Variants in MUC13 observed in about 807,000 individuals in gnomAD.
MUC13 encodes mucin 13, cell surface associated.
In MUC13, 32 loss-of-function variants were observed where a neutral mutation model predicts 48.3. The observed-to-expected ratio is 0.66, with a 90% CI of 0.50 to 0.89. The LOEUF is 0.89. Ranked by LOEUF, MUC13 falls within the 40% of genes least tolerant of loss-of-function variation. MUC13 has a pLI of 0.00. For synonymous variants in MUC13, 199 were observed against 224.9 expected (o/e 0.88, Z 1.03); for missense variants, 571 against 622.8 (o/e 0.92, Z 0.88).
At chr3:124,922,170 C>T in intron 4 of MUC13, 27 bp downstream of exon 4, 1 of 1,612,768 alleles carries the variant, frequency 6.2e-7, no homozygotes, top group Non-Finnish European at 8.5e-7. Context: ...GAATGCTTTA[C>T]AGAAAGGAAA....
At chr3:124,914,177 C>T (rs987263652) in intron 6 of MUC13, among the ~76,000 whole-genome samples, 1 of 151,690 alleles carries the variant, frequency 6.6e-6, no homozygotes, top group Admixed American at 6.6e-5. Flanking sequence ...TTTGGGAGGC[C>T]GAGGCTGGTG....
rs780157175 is a variant in MUC13 at position 124,927,783 on chromosome 3, G to T, written c.263C>A (p.Pro88His). 1.2e-6 allele frequency: 2 copies of T among 1,606,826 alleles called. No homozygotes were observed. Among genetic ancestry groups the T allele is most frequent in the East Asian group, 2.2e-5 (1 of 44,730 alleles). The change falls in exon 2 of 12, where the codon CCC becomes CAC. Residue 88 changes from proline (P) to histidine (H), a missense_variant. Coordinates refer to ENST00000616727, the MANE Select transcript of MUC13 (RefSeq NM_033049.4). ...GGAGGAACTATGTGTACTAATTATG[G>T]GGGGAGCAGGTGTAGGAATTGTGGA... is the stretch of plus-strand genomic sequence containing the variant. The part of the protein sequence containing the change: ...SSSTIPTPAP[P>H]IISTHSSSTI...
intron 6 of MUC13, among the ~76,000 whole-genome samples, chr3:124,914,763 TA>T (rs1183131637): frequency 6.6e-6 from 1 of 151,868 alleles, no homozygotes; most frequent in Non-Finnish European, 1.5e-5. Context: ...CCGTCTCTAC[TA>T]AAAATACAAA....
At chr3:124,915,875 G>C (rs972485218) in intron 6 of MUC13, among the ~76,000 whole-genome samples, 3 of 152,060 alleles carry the variant, frequency 2.0e-5, no homozygotes, top group Admixed American at 6.6e-5. Context: ...ATGGGATTTT[G>C]CCATGTTGCC....
chr3:124,920,069 G>A, intron 5 of MUC13, 165 bp downstream of exon 5: 1 of 698,664 alleles, frequency 1.4e-6, no homozygotes, highest in South Asian at 1.8e-5. Context: ...CAGAGGCAGG[G>A]CCAAGGCACA....
Position 124,926,338 on chromosome 3 carries a change from G to A in MUC13, c.514+1194C>T, listed in dbSNP as rs144725014. ...CCCCATGCCCCACAGTTTGTTCATG[G>A]TAGGGCCAGAACACAGGAAGATGGC... On this transcript the variant is annotated intron_variant, in intron 2 of 11. Coordinates refer to ENST00000616727, the MANE Select transcript of MUC13 (RefSeq NM_033049.4). Among the ~76,000 whole-genome samples, 1,001 of 152,274 alleles carry A rather than the reference G, an allele frequency of 6.6e-3. 5 individuals are homozygous for A. Among genetic ancestry groups the A allele is most frequent in the Non-Finnish European group, 9.7e-3 (662 of 68,012 alleles).
At chr3:124,916,211 G>T (rs554278167) in intron 6 of MUC13, 106 bp downstream of exon 6, 1 of 832,170 alleles carries the variant, frequency 1.2e-6, no homozygotes, top group Non-Finnish European at 1.9e-6. Flanking sequence ...ACAGTTGTCA[G>T]TTCAATGATG....
chr3:124,927,821 A>T lies in MUC13; in HGVS notation c.225T>A (p.Ser75Arg). Reference sequence around the variant, plus strand: ...TAGGAATTGTGGAGGAACTATGTGTACTAATTATGGGGGGAGCAGGTGAAG... The same window carrying T: ...TAGGAATTGTGGAGGAACTATGTGTTCTAATTATGGGGGGAGCAGGTGAAG... ...TATSPAPPII[S>R]THSSSTIPTP... The change falls in exon 2 of 12, where the codon AGT becomes AGA. Residue 75 changes from serine to arginine, a missense_variant. By Grantham distance (110) the Ser-to-Arg change is moderately radical. Coordinates refer to ENST00000616727, the MANE Select transcript of MUC13 (RefSeq NM_033049.4). 6.2e-7 allele frequency: 1 copy of T among 1,614,138 alleles called. No individual in the cohort carries two copies. The highest frequency in any genetic ancestry group is 8.5e-7 in the Non-Finnish European group (1 of 1,180,020).
At chr3:124,914,498 C>T (rs1323023255) in intron 6 of MUC13, among the ~76,000 whole-genome samples, 8 of 152,140 alleles carry the variant, frequency 5.3e-5, no homozygotes, top group Admixed American at 5.2e-4. Flanking sequence ...CTCTACTAAA[C>T]ATCCCAAACT....
At chr3:124,923,503 C>T (rs1185653297) in intron 3 of MUC13, 24 bp downstream of exon 3, 2 of 1,609,330 alleles carry the variant, frequency 1.2e-6, no homozygotes, top group South Asian at 1.1e-5. Context: ...AGAGCTCAGC[C>T]ATGGCTCATC....
chr3:124,912,152 G>A lies in MUC13; in HGVS notation c.1215-11C>T, dbSNP rs1935430194. The A allele has an allele frequency of 6.2e-7, 1 of 1,612,276 alleles. No homozygotes were observed. Among genetic ancestry groups the A allele is most frequent in the African/African-American group, 1.3e-5 (1 of 75,028 alleles). The stretch of plus-strand genomic sequence containing the variant: ...TAGCCAAATGCACACCTGAAATACA[G>A]TGAGCAATAGGAAACAGTGTTAAAG... On this transcript the variant is annotated splice_polypyrimidine_tract_variant and intron_variant, in intron 8 of 11. Coordinates refer to ENST00000616727, the MANE Select transcript of MUC13 (RefSeq NM_033049.4).
intron 2 of MUC13, among the ~76,000 whole-genome samples, chr3:124,925,061 A>C (rs926451019): frequency 2.0e-5 from 3 of 152,216 alleles, no homozygotes; most frequent in Admixed American, 2.0e-4. Flanking sequence ...CATGAGTGCC[A>C]CTACTTGGAA....
chr3:124,913,066 C>T (rs1243132084), intron 8 of MUC13, 45 bp downstream of exon 8: 1 of 1,602,662 alleles, frequency 6.2e-7, no homozygotes, highest in Non-Finnish European at 8.5e-7. Flanking sequence ...TCTACTTTGC[C>T]TAGCTCCAGC....
intron 10 of MUC13, among the ~76,000 whole-genome samples, chr3:124,910,039 C>T (rs1935391342): frequency 2.0e-5 from 3 of 152,018 alleles, no homozygotes; most frequent in South Asian, 4.2e-4. Flanking sequence ...TTTTAAATTC[C>T]GCCCCTTTAC....
intron 6 of MUC13, 68 bp downstream of exon 6, chr3:124,916,249 T>C: frequency 8.2e-7 from 1 of 1,222,724 alleles, no homozygotes. Context: ...TCACATATAA[T>C]GAAAAGGTTT....
rs369980031 is a variant in MUC13, at chr3:124,923,374, C to A, written c.637+153G>T. Among the ~76,000 whole-genome samples the A allele has an allele frequency of 8.5e-5, 13 of 152,182 alleles. No homozygotes were observed. In the South Asian group the frequency reaches 2.7e-3, roughly 32 times the overall value. ...GTTCTGCCTCAGTGTCCCTAGGTAA[C>A]AGCACTTTTCTCTACTTTGCTGGCC... On this transcript the variant is annotated intron_variant, in intron 3 of 11. Coordinates refer to ENST00000616727, the MANE Select transcript of MUC13 (RefSeq NM_033049.4).
chr3:124,928,084 T>A, intron 1 of MUC13, 91 bp from the exon 2 acceptor site: 2 of 651,998 alleles, frequency 3.1e-6, no homozygotes, highest in African/African-American at 1.9e-5. Flanking sequence ...AACTCATTCT[T>A]TTTTTTTTTT....
chr3:124,913,326 C>A, intron 7 of MUC13, 86 bp from the exon 8 acceptor site: 1 of 1,540,648 alleles, frequency 6.5e-7, no homozygotes, highest in South Asian at 1.3e-5. Flanking sequence ...CAGTGTCTTT[C>A]ACATTGCTTT....
intron 2 of MUC13, among the ~76,000 whole-genome samples, chr3:124,927,269 G>T (rs1297922895): frequency 6.6e-6 from 1 of 151,916 alleles, no homozygotes; most frequent in Non-Finnish European, 1.5e-5. Context: ...CAAAGCCCAA[G>T]TTCATTAAAA....
Sources: gnomAD v4.1 joint callset for allele counts (sites outside exome capture counted in the v4.1 genomes callset) on GRCh38, gnomAD v4.1.1 for gene constraint, MANE v1.5 for transcripts, NCBI Gene and HGNC (gene_info 2026-07-23, HGNC 2026-07-21) for gene names.